FSTL5: variants seen among roughly 807,000 people sequenced by gnomAD.
FSTL5 encodes the protein follistatin like 5.
FSTL5 carries 62 observed loss-of-function variants against 89.1 expected under a neutral mutation model. The ratio of observed to expected loss-of-function variants is 0.70; its 90% CI spans 0.57 to 0.86. The LOEUF (loss-of-function observed/expected upper bound fraction) is 0.86. Among genes scored for constraint, FSTL5 ranks in the 40% least tolerant of loss-of-function variants. FSTL5 has a pLI of 0.00. For synonymous variants in FSTL5, 383 were observed against 346.2 expected (o/e 1.11, Z -1.18); for missense variants, 1,057 against 1,001.6 (o/e 1.06, Z -0.75).
intron 10 of FSTL5, among the ~76,000 whole-genome samples, chr4:161,537,330 A>G (rs1731655161): frequency 6.6e-6 from 1 of 152,188 alleles, no homozygotes. Context: ...TGAAGAGCAG[A>G]GAACAAGGGG....
At chr4:161,835,847 C>G (rs1484915030) in intron 4 of FSTL5, among the ~76,000 whole-genome samples, 1 of 150,564 alleles carries the variant, frequency 6.6e-6, no homozygotes, top group African/African-American at 2.4e-5. Flanking sequence ...CACTTTTACA[C>G]TGTTGGTGGG....
chr4:161,631,070 T>A (rs1735487914), intron 7 of FSTL5, among the ~76,000 whole-genome samples: 2 of 152,198 alleles, frequency 1.3e-5, no homozygotes, highest in Admixed American at 1.3e-4. Flanking sequence ...TACCTGGCAT[T>A]TTTTTGTATT....
chr4:162,047,350 C>A (rs1430700096), intron 2 of FSTL5: 1 of 152,000 alleles, frequency 6.6e-6, no homozygotes, highest in African/African-American at 2.4e-5. Flanking sequence ...TTTTTAAGTT[C>A]TTTACCTATT....
At position 162,087,996 on chromosome 4, in the gene FSTL5, T is replaced by C. The variant is rs528135486; in HGVS notation, c.126+23275A>G. ...GATCAGTTTCTTTATTGTGAATGGA[T>C]TAGGGAAATATTCAAAAAATAATAC... On this transcript the variant is annotated intron_variant, in intron 2 of 15. Transcript: ENST00000306100. Among the ~76,000 whole-genome samples the C allele has an allele frequency of 3.9e-5, 6 of 152,248 alleles. No homozygotes were observed. In the South Asian group the frequency reaches 8.3e-4, roughly 21 times the overall value.
At chr4:161,622,295 G>A (rs879264732) in intron 7 of FSTL5, among the ~76,000 whole-genome samples, 4 of 151,944 alleles carry the variant, frequency 2.6e-5, no homozygotes, top group African/African-American at 9.7e-5. Flanking sequence ...GTGAATCCTG[G>A]AAAGGTTAAG....
chr4:162,147,038 T>C (rs1561045170), intron 1 of FSTL5, among the ~76,000 whole-genome samples: 1 of 152,016 alleles, frequency 6.6e-6, no homozygotes, highest in Non-Finnish European at 1.5e-5. Flanking sequence ...CCCCTCGGCC[T>C]CCCAAAGCAC....
rs1164767400 is a variant in FSTL5 at position 161,602,246 on chromosome 4, GGAGAGAAAGAGA to G, written c.895-14683_895-14672del. 4.1e-3 allele frequency among the ~76,000 whole-genome samples: 358 copies of G among 87,464 alleles called. 7 individuals carry two copies. The South Asian group carries it at 0.055, about 14-fold the overall frequency. The allele number at this position is 87,464 out of a possible 152,430, so 57.4% of individuals were successfully genotyped here. ...GAGAGAGTGAGAGAGTGAGAGAGAG[GGAGAGAAAGAGA>G]GAGAGAGAGAGAGAGAGAGAGAGAG... On this transcript the variant is annotated intron_variant, in intron 7 of 15. Coordinates refer to ENST00000306100, the MANE Select transcript of FSTL5 (RefSeq NM_020116.5).
At chr4:161,589,037 G>A (rs2126608885) in intron 7 of FSTL5, among the ~76,000 whole-genome samples, 1 of 145,752 alleles carries the variant, frequency 6.9e-6, no homozygotes, top group East Asian at 2.0e-4. Flanking sequence ...CCCAGGCTCT[G>A]GAGTTCAGTG....
At chr4:161,898,001 T>A (rs1733222694) in intron 4 of FSTL5, among the ~76,000 whole-genome samples, 1 of 151,212 alleles carries the variant, frequency 6.6e-6, no homozygotes, top group Non-Finnish European at 1.5e-5. Context: ...AATGGCTTAT[T>A]TCACTTAGCA....
chr4:161,738,389 T>C (rs1739893168), intron 6 of FSTL5, among the ~76,000 whole-genome samples: 1 of 152,098 alleles, frequency 6.6e-6, no homozygotes, highest in Admixed American at 6.6e-5. Context: ...TATCTCATCC[T>C]ATAATTAGTG....
intron 7 of FSTL5, among the ~76,000 whole-genome samples, chr4:161,627,883 T>C (rs904001571): frequency 3.3e-5 from 5 of 152,178 alleles, no homozygotes; most frequent in African/African-American, 1.2e-4. Context: ...GTCACGGTCA[T>C]ACAGACACAG....
intron 6 of FSTL5, among the ~76,000 whole-genome samples, chr4:161,754,650 A>G: frequency 6.6e-6 from 1 of 152,168 alleles, no homozygotes; most frequent in East Asian, 1.9e-4. Context: ...GAAACTCTAA[A>G]TGAAGTAACT....
At chr4:161,399,741 G>A (rs936052198) in intron 15 of FSTL5, among the ~76,000 whole-genome samples, 5 of 152,072 alleles carry the variant, frequency 3.3e-5, no homozygotes, top group Admixed American at 2.6e-4. Flanking sequence ...ATAGAGAGAC[G>A]AACTGCTCAC....
chr4:161,517,406 T>G (rs1047950922), intron 10 of FSTL5, among the ~76,000 whole-genome samples: 11 of 152,188 alleles, frequency 7.2e-5, no homozygotes, highest in African/African-American at 2.7e-4. Context: ...ATAACTGAAA[T>G]GTAAAATTTT....
chr4:161,887,914 A>G (rs990170959), intron 4 of FSTL5, among the ~76,000 whole-genome samples: 1 of 152,124 alleles, frequency 6.6e-6, no homozygotes, highest in Non-Finnish European at 1.5e-5. Flanking sequence ...TCTAGTCCCC[A>G]TGTGCAATAT....
intron 1 of FSTL5, among the ~76,000 whole-genome samples, chr4:162,151,349 T>C (rs892304358): frequency 7.4e-5 from 11 of 149,158 alleles, no homozygotes; most frequent in African/African-American, 2.5e-4. Context: ...CGGTCCTTGG[T>C]ATGAAGTTGC....
intron 15 of FSTL5, among the ~76,000 whole-genome samples, chr4:161,450,676 T>C (rs544708869): frequency 1.1e-4 from 16 of 152,242 alleles, no homozygotes; most frequent in Admixed American, 9.8e-4. Context: ...TTTTAGAAGG[T>C]AATGTATTAT....
At chr4:161,516,681 A>T (rs1730846613) in intron 10 of FSTL5, among the ~76,000 whole-genome samples, 1 of 142,748 alleles carries the variant, frequency 7.0e-6, no homozygotes, top group Admixed American at 7.4e-5. Context: ...CTAAGTATAT[A>T]TGTATAGTGA....
intron 10 of FSTL5, among the ~76,000 whole-genome samples, chr4:161,521,131 A>G (rs575588775): frequency 9.6e-4 from 146 of 152,216 alleles, no homozygotes; most frequent in African/African-American, 3.3e-3. Context: ...TTTCATCCCA[A>G]CTCTTCAGTG....
Sources: allele counts gnomAD v4.1 joint callset (sites outside exome capture counted in the v4.1 genomes callset), GRCh38; gene constraint gnomAD v4.1.1; transcripts MANE v1.5; gene names NCBI Gene and HGNC (gene_info 2026-07-23, HGNC 2026-07-21).